The following LARGE1 variants were observed in gnomAD, a reference collection of about 807,000 sequenced individuals.
LARGE1 encodes the protein LARGE xylosyl- and glucuronyltransferase 1.
LARGE1 carries 43 observed loss-of-function variants against 87.6 expected under a neutral mutation model. That is an observed-to-expected ratio of 0.49 (90% CI 0.38 to 0.63). The LOEUF (loss-of-function observed/expected upper bound fraction) is 0.63. Ranked by LOEUF, LARGE1 falls within the 30% of genes least tolerant of loss-of-function variation. The probability of loss-of-function intolerance (pLI) is 0.00; values close to 1 mark genes in which losing one functional copy is unlikely to be tolerated. For missense variants in LARGE1, 802 were observed against 1,000.2 expected (o/e 0.80, Z 2.67); for synonymous variants, 434 against 394.6 (o/e 1.10, Z -1.18).
chr22:33,201,113 A>G (rs1480936553), intron 11 of LARGE1, among the ~76,000 whole-genome samples: 1 of 152,166 alleles, frequency 6.6e-6, no homozygotes, highest in East Asian at 1.9e-4. Flanking sequence ...GTTCGTGACC[A>G]GCCTGACCAA....
intron 6 of LARGE1, among the ~76,000 whole-genome samples, chr22:33,564,560 G>A (rs746157572): frequency 6.6e-6 from 1 of 152,070 alleles, no homozygotes; most frequent in Non-Finnish European, 1.5e-5. Context: ...CACACGTCCC[G>A]ACCAGTATGT....
intron 2 of LARGE1, among the ~76,000 whole-genome samples, chr22:33,734,740 A>G (rs181307601): frequency 6.6e-6 from 1 of 152,206 alleles, no homozygotes; most frequent in African/African-American, 2.4e-5. Flanking sequence ...TCTATAAACT[A>G]AGTGGAAAGT....
chr22:33,597,974 C>T (rs933700662), intron 5 of LARGE1, among the ~76,000 whole-genome samples: 1 of 152,148 alleles, frequency 6.6e-6, no homozygotes, highest in African/African-American at 2.4e-5. Flanking sequence ...CTTAGAAGGG[C>T]TCCCTTTCAT....
chr22:33,535,274 T>C (rs747832379), intron 6 of LARGE1, among the ~76,000 whole-genome samples: 3 of 152,190 alleles, frequency 2.0e-5, no homozygotes, highest in Non-Finnish European at 4.4e-5. Context: ...CCAGGCGCGG[T>C]GGCTCATGCC....
intron 2 of LARGE1, among the ~76,000 whole-genome samples, chr22:33,679,883 A>T (rs1328977064): frequency 6.6e-6 from 1 of 152,204 alleles, no homozygotes; most frequent in Non-Finnish European, 1.5e-5. Context: ...AGAAGTTAGG[A>T]GAGAGGCCTG....
At chr22:33,868,219 C>A (rs2064165425) in intron 1 of LARGE1, among the ~76,000 whole-genome samples, 1 of 152,134 alleles carries the variant, frequency 6.6e-6, no homozygotes, top group South Asian at 2.1e-4. Context: ...GGGAACAGCA[C>A]CCTGTAATCC....
the LARGE1 span, among the ~76,000 whole-genome samples, chr22:33,102,831 C>G: frequency 6.6e-6 from 1 of 152,106 alleles, no homozygotes; most frequent in Non-Finnish European, 1.5e-5. Flanking sequence ...CCGGCCCTTT[C>G]CACACCTTGC....
intron 2 of LARGE1, among the ~76,000 whole-genome samples, chr22:33,702,325 C>T (rs1285924612): frequency 6.6e-6 from 1 of 152,184 alleles, no homozygotes; most frequent in African/African-American, 2.4e-5. Flanking sequence ...ACCACACCTA[C>T]CATTCTCCAA....
the LARGE1 span, among the ~76,000 whole-genome samples, chr22:33,153,721 C>T: frequency 2.6e-5 from 4 of 152,196 alleles, no homozygotes; most frequent in Non-Finnish European, 1.5e-5. Context: ...ATCTTACCAA[C>T]AATTCTCTGT....
chr22:33,801,191 T>A (rs750405653), intron 1 of LARGE1, among the ~76,000 whole-genome samples: 1 of 152,226 alleles, frequency 6.6e-6, no homozygotes, highest in Non-Finnish European at 1.5e-5. Flanking sequence ...TCCCCAGACA[T>A]GTGGTACTGT....
chr22:33,548,920 G>A (rs1317090783), intron 6 of LARGE1, among the ~76,000 whole-genome samples: 1 of 152,218 alleles, frequency 6.6e-6, no homozygotes, highest in Non-Finnish European at 1.5e-5. Flanking sequence ...GTAACGAAGA[G>A]AAGCCTAAAA....
At chr22:33,801,748 G>C (rs1439928439) in intron 1 of LARGE1, among the ~76,000 whole-genome samples, 3 of 152,038 alleles carry the variant, frequency 2.0e-5, no homozygotes, top group Non-Finnish European at 4.4e-5. Flanking sequence ...TGCTTTTGGT[G>C]TTCCAACTCC....
chr22:33,236,764 G>A (rs1463398761), intron 11 of LARGE1, among the ~76,000 whole-genome samples: 1 of 152,166 alleles, frequency 6.6e-6, no homozygotes, highest in Non-Finnish European at 1.5e-5. Flanking sequence ...GGCCAGTCTA[G>A]CCCAAACCTA....
chr22:33,641,358 A>G (rs373995146), intron 3 of LARGE1, among the ~76,000 whole-genome samples: 2 of 152,324 alleles, frequency 1.3e-5, no homozygotes, highest in South Asian at 4.1e-4. Context: ...ATCAACAAAT[A>G]GGATGCCCAC....
intron 12 of LARGE1, among the ~76,000 whole-genome samples, chr22:33,286,773 A>C (rs1931619865): frequency 6.6e-6 from 1 of 152,230 alleles, no homozygotes; most frequent in Non-Finnish European, 1.5e-5. Context: ...ACAAACATGG[A>C]TGTTTGTATC....
intron 1 of LARGE1, among the ~76,000 whole-genome samples, chr22:33,820,694 G>A (rs2146253413): frequency 6.6e-6 from 1 of 152,196 alleles, no homozygotes; most frequent in African/African-American, 2.4e-5. Flanking sequence ...TAATCACACA[G>A]CAATTATATT....
At chr22:33,120,446 T>TTC in the LARGE1 span, among the ~76,000 whole-genome samples, 5 of 148,532 alleles carry the variant, frequency 3.4e-5, no homozygotes, top group South Asian at 4.3e-4. Context: ...CCTTCCTTCC[T>TTC]TCTCTCTCTC....
In LARGE1 at chr22:33,277,251, G is replaced by T; in HGVS notation, c.1882C>A (p.His628Asn). Reference protein sequence around the residue: ...DMGTLFTFRYHVWTKGHAPTN... With the variant: ...DMGTLFTFRYNVWTKGHAPTN... The stretch of plus-strand genomic sequence containing the variant: ...GGTGCGTGGCCTTTCGTCCAGACGT[G>T]GTACCTGAGACACACGGAGAAAAGC... The change falls in exon 14 of 15, where the codon CAC (histidine) becomes AAC (asparagine). Residue 628 changes from histidine (H) to asparagine (N), a missense_variant. Around this residue, in one of 2 missense-constraint regions of LARGE1, gnomAD observed 625 missense variants for 841.9 expected, o/e 0.74. Transcript: ENST00000397394. 6.2e-7 allele frequency: 1 copy of T among 1,614,088 alleles called. No individual in the cohort carries two copies. Among genetic ancestry groups the T allele is most frequent in the South Asian group, 1.1e-5 (1 of 91,062 alleles).
chr22:33,922,492 G>C (rs1186342784), upstream of LARGE1: 1 of 152,130 alleles, frequency 6.6e-6, no homozygotes, highest in Non-Finnish European at 1.5e-5. Context: ...CTCAGCGGCT[G>C]ACCGAGCCCA....
Sources: allele counts gnomAD v4.1 joint callset (sites outside exome capture counted in the v4.1 genomes callset), GRCh38; gene constraint gnomAD v4.1.1; regional missense constraint gnomAD v4.1.1; transcripts MANE v1.5; gene names NCBI Gene and HGNC (gene_info 2026-07-23, HGNC 2026-07-21).